TSSC4: variants seen among roughly 807,000 people sequenced by gnomAD.
TSSC4 encodes the protein U5 small nuclear ribonucleoprotein TSSC4.
For missense variants in TSSC4, 500 were observed against 443.9 expected, an observed-to-expected ratio of 1.13 and a Z score of -1.14; for synonymous variants, 259 against 197.9, an observed-to-expected ratio of 1.31 and a Z score of -2.59.
Position 2,402,685 on chromosome 11 carries a change from G to A in TSSC4, c.52G>A (p.Gly18Arg), listed in dbSNP as rs529505414. 2.8e-5 allele frequency: 45 copies of A among 1,588,732 alleles called. No homozygotes were observed. The South Asian group carries it at 3.4e-4, about 12-fold the overall frequency. The change falls in exon 3 of 3, where the codon GGG (glycine) becomes AGG (arginine). Residue 18 changes from glycine to arginine, a missense_variant. Coordinates refer to ENST00000333256, the MANE Select transcript of TSSC4 (RefSeq NM_005706.4). ...EPSPSVEGEH[G>R]TEYDTLPSDT... ...GTCCCCCAGCGTGGAGGGCGAACAC[G>A]GGACGGAGTATGACACGCTGCCTTC...
rs2234280 is a variant in TSSC4 at position 2,403,323 on chromosome 11, G to A, written c.690G>A (p.Arg230=). 36 of 1,612,362 alleles carry A rather than the reference G, an allele frequency of 2.2e-5. No individual in the cohort carries two copies. The highest frequency in any genetic ancestry group is 1.2e-4 in the Admixed American group (7 of 59,876). Residue 230 remains arginine (R), a synonymous_variant, in exon 3 of 3, where the codon AGG becomes AGA. Transcript: ENST00000333256. ...RGVEARHERK[R]VLGKVGEPGR... ...TCGAAGCCAGACACGAGAGGAAGAG[G>A]GTCCTGGGGAAGGTGGGAGAGCCAG...
In TSSC4 at chr11:2,403,821, T is replaced by A; in HGVS notation, c.*198T>A. On this transcript the variant is annotated 3_prime_UTR_variant, in exon 3 of 3. Transcript: ENST00000333256. ...GCTGAAGCTCCTGGGGTGTGGGGTG[T>A]GGGCTGGAAGCACTGGCTCCCTGGT... is the stretch of plus-strand genomic sequence containing the variant. The A allele has an allele frequency of 2.1e-6, 1 of 486,560 alleles. No homozygotes were observed. The highest frequency in any genetic ancestry group is 3.5e-5 in the East Asian group (1 of 28,632). 30.1% of individuals were successfully genotyped at this position (486,560 alleles called of 1,614,324 possible).
chr11:2,403,011 A>G lies in TSSC4; in HGVS notation c.378A>G (p.Leu126=), dbSNP rs1266999769. 1.2e-6 allele frequency: 2 copies of G among 1,608,226 alleles called. No individual in the cohort carries two copies. Among genetic ancestry groups the G allele is most frequent in the South Asian group, 1.1e-5 (1 of 90,460 alleles). Residue 126 remains leucine (L), a synonymous_variant, in exon 3 of 3, where the codon CTA becomes CTG. Coordinates refer to ENST00000333256, the MANE Select transcript of TSSC4 (RefSeq NM_005706.4). The part of the protein sequence containing the change: ...MSDNGGFKRP[L]APSGRSPVEG... ...ACAACGGAGGCTTCAAGCGGCCCCT[A>G]GCGCCCTCAGGCCGGTCTCCAGTGG...
Position 2,403,798 on chromosome 11 carries a change from T to C in TSSC4, c.*175T>C. On this transcript the variant is annotated 3_prime_UTR_variant, in exon 3 of 3. Transcript: ENST00000333256. ...GCATCCTCCCAAGCAGAGACCTTGC[T>C]GAAGCTCCTGGGGTGTGGGGTGTGG... 1.7e-6 allele frequency: 1 copy of C among 580,738 alleles called. No individual in the cohort carries two copies. The highest frequency in any genetic ancestry group is 2.8e-6 in the Non-Finnish European group (1 of 358,566). 36.0% of individuals were successfully genotyped at this position (580,738 alleles called of 1,614,324 possible). A position where few individuals can be genotyped will look rare whatever the true frequency, so the allele number is the denominator to read the frequency against.
chr11:2,402,553 A>T (rs1212135809), intron 2 of TSSC4, 58 bp from the exon 3 acceptor site: 15 of 1,401,890 alleles, frequency 1.1e-5, no homozygotes, highest in Non-Finnish European at 1.3e-5. Flanking sequence ...TGCAGGGGGA[A>T]CTCATTCTCA....
chr11:2,402,987 C>CA lies in TSSC4; in HGVS notation c.356dup (p.Asn119LysfsTer78). The CA allele has an allele frequency of 6.2e-7, 1 of 1,609,112 alleles. No homozygotes were observed. Reference sequence around the variant, plus strand: ...CTGTGGCCCACACCAGCATGAGTGACAACGGAGGCTTCAAGCGGCCCCTAG... The same window carrying CA: ...CTGTGGCCCACACCAGCATGAGTGACAAACGGAGGCTTCAAGCGGCCCCTAG... On this transcript the variant is annotated frameshift_variant, in exon 3 of 3. Transcript: ENST00000333256. LOFTEE classifies it low-confidence loss of function (END_TRUNC).
Position 2,403,116 on chromosome 11 carries a change from C to T in TSSC4, c.483C>T (p.Arg161=), listed in dbSNP as rs1387762418. Residue 161 remains arginine, a synonymous_variant, in exon 3 of 3, where the codon CGC becomes CGT. Coordinates refer to ENST00000333256, the MANE Select transcript of TSSC4 (RefSeq NM_005706.4). ...CCGACTACGTGGCACACCCCGAGCGCTGGACCAAGTACAGCCTGGAAGATG... is the reference window on the plus strand; with the variant it reads ...CCGACTACGTGGCACACCCCGAGCGTTGGACCAAGTACAGCCTGGAAGATG... ...PVPDYVAHPE[R]WTKYSLEDVT... 2 of 1,612,562 alleles carry T rather than the reference C, an allele frequency of 1.2e-6. No individual in the cohort carries two copies. The highest frequency in any genetic ancestry group is 1.7e-6 in the Non-Finnish European group (2 of 1,179,934).
Position 2,403,272 on chromosome 11 carries a change from C to A in TSSC4, c.639C>A (p.Val213=), listed in dbSNP as rs768538548. The change falls in exon 3 of 3, where the codon GTC becomes GTA. Residue 213 remains valine, a synonymous_variant. Coordinates refer to ENST00000333256, the MANE Select transcript of TSSC4 (RefSeq NM_005706.4). ...QDPSSCGEGR[V]IFTKPVRGVE... The stretch of plus-strand genomic sequence containing the variant: ...CCTCCAGCTGTGGGGAGGGGAGGGT[C>A]ATCTTCACCAAACCAGTCCGAGGGG... 1.2e-6 allele frequency: 2 copies of A among 1,612,364 alleles called. No individual in the cohort carries two copies. The highest frequency in any genetic ancestry group is 8.5e-7 in the Non-Finnish European group (1 of 1,179,482).
In TSSC4 at chr11:2,402,751, T is replaced by C; in HGVS notation, c.118T>C (p.Leu40=). ...CAGTGACTCGGACTCTGACCTCAGC[T>C]TGCCCGGTGGTGCTGAAGTGGAAGC... ...SLSDSDSDLS[L]PGGAEVEALS... is the part of the protein sequence containing the mutation. Residue 40 remains leucine (L), a synonymous_variant, in exon 3 of 3, where the codon TTG becomes CTG. Coordinates refer to ENST00000333256, the MANE Select transcript of TSSC4 (RefSeq NM_005706.4). 1 of 1,571,056 alleles carries C rather than the reference T, an allele frequency of 6.4e-7. No homozygotes were observed. Among genetic ancestry groups the C allele is most frequent in the Non-Finnish European group, 8.6e-7 (1 of 1,157,490 alleles).
Position 2,402,761 on chromosome 11 carries a change from G to T in TSSC4, c.128G>T (p.Gly43Val). ...DSDSDLSLPGGAEVEALSPMG... is the reference protein window; with the variant it reads ...DSDSDLSLPGVAEVEALSPMG... ...GACTCTGACCTCAGCTTGCCCGGTG[G>T]TGCTGAAGTGGAAGCACTGTCCCCG... The change falls in exon 3 of 3, where the codon GGT (glycine) becomes GTT (valine). Residue 43 changes from glycine (G) to valine (V), a missense_variant. Gly to Val is a moderately radical substitution (Grantham distance 109, BLOSUM62 -3). Coordinates refer to ENST00000333256, the MANE Select transcript of TSSC4 (RefSeq NM_005706.4). 6.4e-7 allele frequency: 1 copy of T among 1,570,996 alleles called. No homozygotes were observed. Among genetic ancestry groups the T allele is most frequent in the Non-Finnish European group, 8.6e-7 (1 of 1,157,416 alleles).
At position 2,401,687 on chromosome 11, in the gene TSSC4, T is replaced by C. The variant is rs548305047; in HGVS notation, c.-180-607T>C. ...GTCTTTTTTTGCCTGGAAATTCAAG[T>C]TCTGAGGCACCCAGTCACTCCAGCA... On this transcript the variant is annotated intron_variant, in intron 1 of 2. Coordinates refer to ENST00000333256, the MANE Select transcript of TSSC4 (RefSeq NM_005706.4). Among the ~76,000 whole-genome samples, 223 of 152,262 alleles carry C rather than the reference T, an allele frequency of 1.5e-3. 7 individuals carry two copies. In the South Asian group the frequency reaches 0.04, roughly 28 times the overall value.
intron 1 of TSSC4, among the ~76,000 whole-genome samples, chr11:2,401,682 TCAA>T (rs1850150547): frequency 6.6e-6 from 1 of 152,096 alleles, no homozygotes; most frequent in Admixed American, 6.6e-5. Flanking sequence ...GCCTGGAAAT[TCAA>T]GTTCTGAGGC....
In TSSC4 at chr11:2,402,835, C is replaced by A. The variant is rs748809381; in HGVS notation, c.202C>A (p.Pro68Thr). Residue 68 changes from proline to threonine, a missense_variant, in exon 3 of 3, where the codon CCC (proline) becomes ACC (threonine). Physicochemically the swap from Pro to Thr is conservative, Grantham distance 38. Coordinates refer to ENST00000333256, the MANE Select transcript of TSSC4 (RefSeq NM_005706.4). ...EDSGPDEPPS[P>T]PSGLLPATVQ... is the part of the protein sequence containing the mutation. The stretch of plus-strand genomic sequence containing the variant: ...TTCAGGTCCTGATGAGCCGCCCTCA[C>A]CCCCGTCAGGCCTCCTCCCAGCCAC... The A allele has an allele frequency of 3.7e-6, 6 of 1,601,490 alleles. No homozygotes were observed. The highest frequency in any genetic ancestry group is 3.4e-5 in the Admixed American group (2 of 59,168).
chr11:2,402,839 C>G lies in TSSC4; in HGVS notation c.206C>G (p.Pro69Arg), dbSNP rs773913072. The G allele has an allele frequency of 2.5e-6, 4 of 1,602,768 alleles. No homozygotes were observed. Among genetic ancestry groups the G allele is most frequent in the Non-Finnish European group, 3.4e-6 (4 of 1,174,822 alleles). Residue 69 changes from proline (P) to arginine (R), a missense_variant, in exon 3 of 3, where the codon CCG becomes CGG. Coordinates refer to ENST00000333256, the MANE Select transcript of TSSC4 (RefSeq NM_005706.4). ...DSGPDEPPSP[P>R]SGLLPATVQP... ...GGTCCTGATGAGCCGCCCTCACCCC[C>G]GTCAGGCCTCCTCCCAGCCACGGTG...
Position 2,402,935 on chromosome 11 carries a change from A to C in TSSC4, c.302A>C (p.Glu101Ala). The C allele has an allele frequency of 6.2e-7, 1 of 1,611,554 alleles. No individual in the cohort carries two copies. Among genetic ancestry groups the C allele is most frequent in the Non-Finnish European group, 8.5e-7 (1 of 1,179,482 alleles). Residue 101 changes from glutamate to alanine, a missense_variant, in exon 3 of 3, where the codon GAG becomes GCG. Transcript: ENST00000333256. ...AGCCGTGACATCTTTGACTGCCTGG[A>C]GGGGGCGGCCAGACGGGCTCCATCC... ...QRSRDIFDCL[E>A]GAARRAPSSV...
At position 2,402,508 on chromosome 11, in the gene TSSC4, C is replaced by T. The variant is rs1850178299; in HGVS notation, c.-24+58C>T. The T allele has an allele frequency of 5.6e-6, 6 of 1,075,138 alleles. No individual in the cohort carries two copies. The African/African-American group carries it at 9.5e-5, about 17-fold the overall frequency. The allele number at this position is 1,075,138 out of a possible 1,614,324, so 66.6% of individuals were successfully genotyped here. ...TCCACCCTGTGTGGGACAGTTCTGTCAGTTGACCCTCCACTTGTCCAGGGG... is the reference window on the plus strand; with the variant it reads ...TCCACCCTGTGTGGGACAGTTCTGTTAGTTGACCCTCCACTTGTCCAGGGG... On this transcript the variant is annotated intron_variant, in intron 2 of 2. Transcript: ENST00000333256.
Position 2,402,702 on chromosome 11 carries a change from G to A in TSSC4, c.69G>A (p.Thr23=), listed in dbSNP as rs141568055. The change falls in exon 3 of 3, where the codon ACG becomes ACA. Residue 23 remains threonine, a synonymous_variant. Transcript: ENST00000333256. ...GCGAACACGGGACGGAGTATGACACGCTGCCTTCCGACACAGTCTCCCTCA... is the reference window on the plus strand; with the variant it reads ...GCGAACACGGGACGGAGTATGACACACTGCCTTCCGACACAGTCTCCCTCA... ...VEGEHGTEYD[T]LPSDTVSLSD... The A allele has an allele frequency of 4.4e-5, 69 of 1,580,314 alleles. No homozygotes were observed. Among genetic ancestry groups the A allele is most frequent in the Non-Finnish European group, 5.8e-5 (68 of 1,163,130 alleles).
Position 2,403,800 on chromosome 11 carries a change from A to T in TSSC4, c.*177A>T. 1 of 576,534 alleles carries T rather than the reference A, an allele frequency of 1.7e-6. No individual in the cohort carries two copies. 35.7% of individuals were successfully genotyped at this position (576,534 alleles called of 1,614,324 possible). ...ATCCTCCCAAGCAGAGACCTTGCTGAAGCTCCTGGGGTGTGGGGTGTGGGC... is the reference window on the plus strand; with the variant it reads ...ATCCTCCCAAGCAGAGACCTTGCTGTAGCTCCTGGGGTGTGGGGTGTGGGC... On this transcript the variant is annotated 3_prime_UTR_variant, in exon 3 of 3. Coordinates refer to ENST00000333256, the MANE Select transcript of TSSC4 (RefSeq NM_005706.4).
In TSSC4 at chr11:2,402,713, A is replaced by T; in HGVS notation, c.80A>T (p.Asp27Val). The T allele has an allele frequency of 6.3e-7, 1 of 1,577,590 alleles. No homozygotes were observed. Among genetic ancestry groups the T allele is most frequent in the African/African-American group, 1.3e-5 (1 of 74,350 alleles). ...ACGGAGTATGACACGCTGCCTTCCG[A>T]CACAGTCTCCCTCAGTGACTCGGAC... ...HGTEYDTLPS[D>V]TVSLSDSDSD... The change falls in exon 3 of 3, where the codon GAC becomes GTC. Residue 27 changes from aspartate (D) to valine (V), a missense_variant. Transcript: ENST00000333256.
Sources: gnomAD v4.1 joint callset for allele counts (sites outside exome capture counted in the v4.1 genomes callset) on GRCh38, gnomAD v4.1.1 for gene constraint, MANE v1.5 for transcripts, NCBI Gene and HGNC (gene_info 2026-07-23, HGNC 2026-07-21) for gene names.